ENPP2: variants seen among roughly 807,000 people sequenced by gnomAD.
ENPP2 encodes the protein autotaxin.
ENPP2 carries 51 observed loss-of-function variants against 120.2 expected under a neutral mutation model. The ratio of observed to expected loss-of-function variants is 0.42; its 90% CI spans 0.34 to 0.54. The LOEUF (loss-of-function observed/expected upper bound fraction) is 0.54, where lower values mean the gene tolerates loss of function less well. Ranked by LOEUF, ENPP2 falls within the 20% of genes least tolerant of loss-of-function variation. ENPP2 has a pLI of 0.04. For missense variants in ENPP2, 920 were observed against 1,066.5 expected (o/e 0.86, Z 1.91); for synonymous variants, 365 against 366.4 (o/e 1.00, Z 0.04).
intron 23 of ENPP2, among the ~76,000 whole-genome samples, chr8:119,564,298 T>C (rs1224108336): frequency 2.0e-5 from 3 of 152,080 alleles, no homozygotes; most frequent in Non-Finnish European, 4.4e-5. Context: ...TTTAATACAT[T>C]TTTTTCATAG....
At chr8:119,613,825 A>G (rs1447393291) in intron 8 of ENPP2, among the ~76,000 whole-genome samples, 1 of 152,132 alleles carries the variant, frequency 6.6e-6, no homozygotes, top group African/African-American at 2.4e-5. Flanking sequence ...TAATGATCAA[A>G]TCAGGGTAAT....
chr8:119,580,764 C>CA lies in ENPP2; in HGVS notation c.1729-598dup, dbSNP rs570456031. On this transcript the variant is annotated intron_variant, in intron 18 of 24. Transcript: ENST00000075322. ...AAAAAATTCTTATGGTACATTTATACAATTAAATATTAACTACTGTATTAG... is the reference window on the plus strand; with the variant it reads ...AAAAAATTCTTATGGTACATTTATACAAATTAAATATTAACTACTGTATTAG... 265 of 152,558 alleles carry CA rather than the reference C, an allele frequency of 1.7e-3. 2 individuals are homozygous for CA. Among genetic ancestry groups the CA allele is most frequent in the Admixed American group, 2.9e-3 (44 of 15,332 alleles). The allele number at this position is 152,558 out of a possible 1,614,324, so 9.5% of individuals were successfully genotyped here.
In ENPP2 at chr8:119,607,993, T is replaced by C. The variant is rs749270531; in HGVS notation, c.778-16A>G. 5 of 1,582,604 alleles carry C rather than the reference T, an allele frequency of 3.2e-6. No homozygotes were observed. Among genetic ancestry groups the C allele is most frequent in the African/African-American group, 2.7e-5 (2 of 73,590 alleles). ...TAATCCATAGCTAATGAGGAAAATATAAGCGGCTTAAAATGTGTTCTGTGT... is the reference window on the plus strand; with the variant it reads ...TAATCCATAGCTAATGAGGAAAATACAAGCGGCTTAAAATGTGTTCTGTGT... On this transcript the variant is annotated splice_polypyrimidine_tract_variant and intron_variant, in intron 8 of 24. Transcript: ENST00000075322.
chr8:119,633,562 G>A (rs922878154), intron 2 of ENPP2, among the ~76,000 whole-genome samples: 3 of 151,926 alleles, frequency 2.0e-5, no homozygotes, highest in Middle Eastern at 3.2e-3. Context: ...CATTCAAGAT[G>A]CTGCCCAGCT....
At chr8:119,584,721 C>T (rs182486831) in intron 15 of ENPP2, among the ~76,000 whole-genome samples, 13 of 152,306 alleles carry the variant, frequency 8.5e-5, no homozygotes, top group Admixed American at 7.2e-4. Context: ...GCTCTCTAGA[C>T]ATCAAGACCA....
intron 23 of ENPP2, among the ~76,000 whole-genome samples, chr8:119,564,551 G>A (rs1365368313): frequency 6.6e-6 from 1 of 151,976 alleles, no homozygotes; most frequent in Non-Finnish European, 1.5e-5. Flanking sequence ...GGTGGTGCAT[G>A]CCTGTAATCC....
intron 1 of ENPP2, among the ~76,000 whole-genome samples, chr8:119,651,906 G>A (rs1055068485): frequency 3.3e-5 from 5 of 152,162 alleles, no homozygotes; most frequent in Non-Finnish European, 5.9e-5. Context: ...ATCCACTGCA[G>A]TATTAGCTAA....
Position 119,607,967 on chromosome 8 carries a change from G to A in ENPP2, c.788C>T (p.Thr263Ile), listed in dbSNP as rs1412097548. 6 of 1,608,724 alleles carry A rather than the reference G, an allele frequency of 3.7e-6. No homozygotes were observed. Among genetic ancestry groups the A allele is most frequent in the East Asian group, 2.2e-5 (1 of 44,756 alleles). The change falls in exon 9 of 25, where the codon ACA becomes ATA. Residue 263 changes from threonine (T) to isoleucine (I), a missense_variant. By Grantham distance (89) the Thr-to-Ile change is moderately conservative (BLOSUM62 -1). Coordinates refer to ENST00000075322, the MANE Select transcript of ENPP2 (RefSeq NM_001040092.3). ...AGCTTTCACCCCTTGCTTGGTGGCT[G>A]TAATCCATAGCTAATGAGGAAAATA... The part of the protein sequence containing the change: ...RWWGGQPLWI[T>I]ATKQGVKAGT...
intron 24 of ENPP2, 87 bp from the exon 25 acceptor site, chr8:119,557,778 C>A (rs942420063): frequency 8.7e-7 from 1 of 1,153,106 alleles, no homozygotes; most frequent in South Asian, 1.5e-5. Context: ...CCACAAATGA[C>A]CTCTGTGCAC....
intron 2 of ENPP2, among the ~76,000 whole-genome samples, chr8:119,628,578 C>A (rs1312119452): frequency 6.6e-6 from 1 of 152,126 alleles, no homozygotes; most frequent in African/African-American, 2.4e-5. Flanking sequence ...GACTATTGCA[C>A]ACTCCTTAAA....
chr8:119,603,825 T>G (rs115285477), intron 9 of ENPP2, among the ~76,000 whole-genome samples: 2 of 152,252 alleles, frequency 1.3e-5, no homozygotes, highest in African/African-American at 4.8e-5. Flanking sequence ...AAGACTATTA[T>G]GGAGGGGTCG....
intron 2 of ENPP2, among the ~76,000 whole-genome samples, chr8:119,627,456 T>A (rs900839016): frequency 6.6e-6 from 1 of 152,108 alleles, no homozygotes; most frequent in Non-Finnish European, 1.5e-5. Flanking sequence ...AGTTTCATTC[T>A]CAATAGGGCC....
upstream of ENPP2, among the ~76,000 whole-genome samples, chr8:119,641,103 G>A (rs545227243): frequency 1.3e-5 from 2 of 152,098 alleles, no homozygotes; most frequent in Admixed American, 6.6e-5. Context: ...TTACCAGCTT[G>A]TTGTGCATAA....
intron 9 of ENPP2, among the ~76,000 whole-genome samples, chr8:119,603,084 G>A (rs1344147239): frequency 1.3e-5 from 2 of 152,130 alleles, no homozygotes; most frequent in South Asian, 2.1e-4. Flanking sequence ...GGATAAATGC[G>A]ACCCTGATCA....
chr8:119,659,176 A>C (rs1817848309), intron 1 of ENPP2, among the ~76,000 whole-genome samples: 1 of 151,958 alleles, frequency 6.6e-6, no homozygotes, highest in South Asian at 2.1e-4. Flanking sequence ...AGTTAGCCAG[A>C]TGTGGTAGCG....
chr8:119,662,865 C>A (rs558412191), intron 1 of ENPP2, among the ~76,000 whole-genome samples: 180 of 152,272 alleles, frequency 1.2e-3, no homozygotes, highest in Non-Finnish European at 1.9e-3. Flanking sequence ...AATCCCAGGA[C>A]TTTGGGAGGC....
intron 3 of ENPP2, among the ~76,000 whole-genome samples, chr8:119,626,041 A>T (rs1013352973): frequency 3.3e-5 from 5 of 150,712 alleles, no homozygotes; most frequent in Non-Finnish European, 7.4e-5. Flanking sequence ...TGGGAAAGCA[A>T]GAAAAAAAAT....
chr8:119,569,083 G>T, intron 21 of ENPP2, 152 bp downstream of exon 21: 2 of 710,604 alleles, frequency 2.8e-6, no homozygotes, highest in Non-Finnish European at 4.6e-6. Flanking sequence ...TCACTTTTTG[G>T]CTGATTTTGG....
chr8:119,640,381 C>G (rs2130849608), upstream of ENPP2, among the ~76,000 whole-genome samples: 1 of 152,204 alleles, frequency 6.6e-6, no homozygotes, highest in South Asian at 2.1e-4. Context: ...AAGATACAAG[C>G]CAGACATGAT....
Sources: allele counts gnomAD v4.1 joint callset (sites outside exome capture counted in the v4.1 genomes callset), GRCh38; gene constraint gnomAD v4.1.1; transcripts MANE v1.5; gene names NCBI Gene and HGNC (gene_info 2026-07-23, HGNC 2026-07-21).